KAZN: variants seen among roughly 807,000 people sequenced by gnomAD.
KAZN encodes the protein kazrin.
Under a neutral mutation model 87.4 loss-of-function variants are expected in KAZN, and 40 were observed. That is an observed-to-expected ratio of 0.46 (90% CI 0.36 to 0.60). The LOEUF is 0.60. Among genes scored for constraint, KAZN ranks in the 20% least tolerant of loss-of-function variants. The probability of loss-of-function intolerance (pLI) is 0.00; values close to 1 mark genes in which losing one functional copy is unlikely to be tolerated. For synonymous variants in KAZN, 466 were observed against 458.3 expected (o/e 1.02, Z -0.22); for missense variants, 898 against 1,073.9 (o/e 0.84, Z 2.29).
intron 1 of KAZN, among the ~76,000 whole-genome samples, chr1:13,976,665 A>G (rs2359899): frequency 0.41 from 61,953 of 151,866 alleles, 13,261 homozygotes; most frequent in Admixed American, 0.57. Context: ...CTACATGAAT[A>G]TAAATGCATT....
chr1:13,908,367 G>A (rs758445301), intron 1 of KAZN, among the ~76,000 whole-genome samples: 8 of 152,320 alleles, frequency 5.3e-5, no homozygotes, highest in South Asian at 2.1e-4. Flanking sequence ...AGCAGTCCAC[G>A]CCTTCTTGCA....
chr1:14,411,784 C>T (rs1369405354), intron 2 of KAZN, among the ~76,000 whole-genome samples: 2 of 152,062 alleles, frequency 1.3e-5, no homozygotes, highest in East Asian at 3.9e-4. Flanking sequence ...TGAGCTGGAA[C>T]CATAAAAAAG....
intron 2 of KAZN, among the ~76,000 whole-genome samples, chr1:14,439,962 TC>T (rs1666606269): frequency 1.3e-5 from 2 of 152,130 alleles, no homozygotes; most frequent in South Asian, 2.1e-4. Context: ...CCCAACCACG[TC>T]CCACCCCCAT....
At chr1:14,322,504 T>C (rs1656116381) in intron 2 of KAZN, among the ~76,000 whole-genome samples, 1 of 152,186 alleles carries the variant, frequency 6.6e-6, no homozygotes, top group South Asian at 2.1e-4. Flanking sequence ...CATCCTCTTC[T>C]AATCCATTCT....
chr1:15,021,024 C>A lies in KAZN; in HGVS notation c.419-13725C>A, dbSNP rs977703936. Among the ~76,000 whole-genome samples, 1 of 152,208 alleles carries A rather than the reference C, an allele frequency of 6.6e-6. No individual in the cohort carries two copies. Among genetic ancestry groups the A allele is most frequent in the Non-Finnish European group, 1.5e-5 (1 of 68,050 alleles). ...ACAACCCTGCTGTGTCTCTGTTACG[C>A]AGCAGGGGTGAGACCAGTCCATATC... is the stretch of plus-strand genomic sequence containing the variant. On this transcript the variant is annotated intron_variant, in intron 2 of 14. Coordinates refer to ENST00000376030, the MANE Select transcript of KAZN (RefSeq NM_201628.3). This position sits in a 1 kb window ranked among gnomAD's most constrained non-coding sequence, Gnocchi z 4.2.
chr1:14,440,883 C>T (rs186882850), intron 2 of KAZN, among the ~76,000 whole-genome samples: 18 of 152,336 alleles, frequency 1.2e-4, no homozygotes, highest in South Asian at 4.1e-4. Flanking sequence ...TCACGTTCAA[C>T]GCAGATGAGT....
At chr1:14,895,780 C>T (rs1423380221) in intron 1 of KAZN, among the ~76,000 whole-genome samples, 1 of 152,212 alleles carries the variant, frequency 6.6e-6, no homozygotes, top group African/African-American at 2.4e-5. Context: ...TGGTTCAAGC[C>T]ACCATGTTCT....
chr1:14,619,581 C>A (rs1678531576), intron 1 of KAZN, among the ~76,000 whole-genome samples: 1 of 152,226 alleles, frequency 6.6e-6, no homozygotes, highest in Non-Finnish European at 1.5e-5. Flanking sequence ...GTGCAATTCA[C>A]TGGCGTTAAA....
intron 1 of KAZN, among the ~76,000 whole-genome samples, chr1:14,169,206 C>T (rs755743244): frequency 9.9e-5 from 15 of 151,972 alleles, no homozygotes; most frequent in African/African-American, 2.2e-4. Flanking sequence ...TCACGGTGGA[C>T]GGAAACCAAG....
At chr1:15,039,462 C>T (rs1672681718) in intron 3 of KAZN, among the ~76,000 whole-genome samples, 1 of 151,688 alleles carries the variant, frequency 6.6e-6, no homozygotes, top group Non-Finnish European at 1.5e-5. Context: ...CAACCCAAGG[C>T]CGACCACAGA....
intron 1 of KAZN, among the ~76,000 whole-genome samples, chr1:13,935,604 G>T (rs1640699161): frequency 6.6e-6 from 1 of 152,196 alleles, no homozygotes; most frequent in Admixed American, 6.5e-5. Context: ...GCTCACGGTT[G>T]GGAGGTTACA....
At chr1:15,016,522 G>A (rs1670122383) in intron 2 of KAZN, among the ~76,000 whole-genome samples, 1 of 151,966 alleles carries the variant, frequency 6.6e-6, no homozygotes, top group African/African-American at 2.4e-5. Context: ...CTGACCTCAG[G>A]TGATCCACCC....
In KAZN at chr1:14,599,939, G is replaced by A. The variant is rs928493239; in HGVS notation, c.226+716G>A. 6.6e-6 allele frequency among the ~76,000 whole-genome samples: 1 copy of A among 152,102 alleles called. No homozygotes were observed. Among genetic ancestry groups the A allele is most frequent in the Admixed American group, 6.5e-5 (1 of 15,274 alleles). On this transcript the variant is annotated intron_variant, in intron 1 of 14. Transcript: ENST00000376030. This position sits in a 1 kb window ranked among gnomAD's most constrained non-coding sequence, Gnocchi z 4.4. ...GGAGCCCGTTTGAAGGGACTCTGCG[G>A]TTTAGAGAAGAGGAAGAAAAAGACA...
chr1:13,981,097 A>T, intron 1 of KAZN, among the ~76,000 whole-genome samples: 1 of 96,936 alleles, frequency 1.0e-5, no homozygotes, highest in East Asian at 2.2e-4. Flanking sequence ...CTTTATATAT[A>T]TATATATATA....
chr1:14,348,115 A>C (rs1658250843), intron 2 of KAZN, among the ~76,000 whole-genome samples: 1 of 142,108 alleles, frequency 7.0e-6, no homozygotes, highest in Non-Finnish European at 1.5e-5. Context: ...CAGTGGCATC[A>C]TCTCAGCTCG....
intron 1 of KAZN, among the ~76,000 whole-genome samples, chr1:14,694,274 T>A (rs932909110): frequency 6.6e-6 from 1 of 152,178 alleles, no homozygotes; most frequent in African/African-American, 2.4e-5. Flanking sequence ...CATCTGTCAC[T>A]GGCCAAGGAA....
At chr1:14,193,902 C>T (rs567122241) in intron 2 of KAZN, among the ~76,000 whole-genome samples, 30 of 152,040 alleles carry the variant, frequency 2.0e-4, no homozygotes, top group Non-Finnish European at 3.8e-4. Flanking sequence ...ACAGCATTTG[C>T]TGTAGGTGGT....
rs150738164 is a variant in KAZN at position 13,899,081 on chromosome 1, A to AGG, written c.91+5328_91+5329dup. ...TTTAAGGTTTCCTTGTATATCCCTG[A>AGG]GGGGTGGTGTGTAGGACCTGTTTCT... On this transcript the variant is annotated intron_variant, in intron 1 of 16. Transcript: ENST00000636203. 2.2e-3 allele frequency among the ~76,000 whole-genome samples: 335 copies of AGG among 152,294 alleles called. 1 individual carries two copies. The highest frequency in any genetic ancestry group is 7.7e-3 in the African/African-American group (321 of 41,558).
intron 1 of KAZN, among the ~76,000 whole-genome samples, chr1:14,853,039 G>A (rs1649644681): frequency 6.6e-6 from 1 of 152,184 alleles, no homozygotes; most frequent in African/African-American, 2.4e-5. Flanking sequence ...ACAGATCTAG[G>A]GAATGGGTGG....
Sources: allele counts gnomAD v4.1 joint callset (sites outside exome capture counted in the v4.1 genomes callset), GRCh38; gene constraint gnomAD v4.1.1; non-coding constraint Gnocchi (gnomAD v3.1); transcripts MANE v1.5; gene names NCBI Gene and HGNC (gene_info 2026-07-23, HGNC 2026-07-21).